The following VAV3 variants were observed in gnomAD, a reference collection of about 807,000 sequenced individuals.
The protein encoded by VAV3 is vav guanine nucleotide exchange factor 3.
In VAV3, 94 loss-of-function variants were observed where a neutral mutation model predicts 131.2. The ratio of observed to expected loss-of-function variants is 0.72; its 90% CI spans 0.61 to 0.85. The LOEUF (loss-of-function observed/expected upper bound fraction) is 0.85, where lower values mean the gene tolerates loss of function less well. Among genes scored for constraint, VAV3 ranks in the 40% least tolerant of loss-of-function variants. The pLI is 0.00. For synonymous variants in VAV3, 349 were observed against 342.0 expected (o/e 1.02, Z -0.22); for missense variants, 939 against 1,002.7 (o/e 0.94, Z 0.86).
chr1:107,800,934 C>G (rs535524141), intron 2 of VAV3, among the ~76,000 whole-genome samples: 1 of 152,088 alleles, frequency 6.6e-6, no homozygotes, highest in Non-Finnish European at 1.5e-5. Context: ...GTGTTTTCTT[C>G]GAGTAGTTTC....
At chr1:107,760,932 T>A (rs988014620) in intron 9 of VAV3, 53 bp from the exon 10 acceptor site, 1 of 1,297,400 alleles carries the variant, frequency 7.7e-7, no homozygotes, top group Non-Finnish European at 1.1e-6. Context: ...CATTAAAAGA[T>A]GCAAAGGCCC....
At chr1:107,938,473 C>T (rs1187881956) in intron 1 of VAV3, among the ~76,000 whole-genome samples, 1 of 152,098 alleles carries the variant, frequency 6.6e-6, no homozygotes. Flanking sequence ...TATCTGTTCC[C>T]TGTAGAAACA....
intron 1 of VAV3, among the ~76,000 whole-genome samples, chr1:107,900,075 A>G (rs547283357): frequency 6.6e-6 from 1 of 152,330 alleles, no homozygotes; most frequent in African/African-American, 2.4e-5. Context: ...TCACTTTTCA[A>G]GGAACTCAAT....
At chr1:107,824,269 C>T (rs1213117869) in intron 2 of VAV3, among the ~76,000 whole-genome samples, 2 of 152,032 alleles carry the variant, frequency 1.3e-5, no homozygotes, top group Admixed American at 6.5e-5. Flanking sequence ...CACATAGCGT[C>T]GCTATTTCAA....
intron 20 of VAV3, 50 bp from the exon 21 acceptor site, chr1:107,617,682 G>A: frequency 1.3e-6 from 2 of 1,554,820 alleles, no homozygotes; most frequent in Non-Finnish European, 1.8e-6. Flanking sequence ...TACCACAAAT[G>A]ATAACCCCAT....
chr1:107,788,819 A>G (rs1041250148), intron 2 of VAV3, among the ~76,000 whole-genome samples: 1 of 152,264 alleles, frequency 6.6e-6, no homozygotes, highest in Non-Finnish European at 1.5e-5. Context: ...TGAAAATGTA[A>G]TCATATTTGC....
intron 20 of VAV3, among the ~76,000 whole-genome samples, chr1:107,640,307 C>G (rs952600745): frequency 1.3e-5 from 2 of 152,158 alleles, no homozygotes; most frequent in African/African-American, 4.8e-5. Context: ...ACTATCATTA[C>G]ACATAACAAC....
intron 20 of VAV3, among the ~76,000 whole-genome samples, chr1:107,638,282 C>G (rs1655078669): frequency 6.6e-6 from 1 of 152,100 alleles, no homozygotes; most frequent in South Asian, 2.1e-4. Context: ...GTCTATATTA[C>G]AAAATCTGCT....
rs1197921663 is a variant in VAV3, at chr1:107,773,768, A to G, written c.447-925T>C. ...TGGCCAGAGAACATTAGGGCAGGTAAATCGGTTTGCACATTCTCTGTACCA... is the reference window on the plus strand; with the variant it reads ...TGGCCAGAGAACATTAGGGCAGGTAGATCGGTTTGCACATTCTCTGTACCA... On this transcript the variant is annotated intron_variant, in intron 4 of 26. Transcript: ENST00000370056. 3.9e-5 allele frequency among the ~76,000 whole-genome samples: 6 copies of G among 152,302 alleles called. No homozygotes were observed. In the East Asian group the frequency reaches 1.2e-3, roughly 29 times the overall value.
chr1:107,723,161 G>C (rs1225862725), intron 15 of VAV3, among the ~76,000 whole-genome samples: 1 of 151,998 alleles, frequency 6.6e-6, no homozygotes, highest in Non-Finnish European at 1.5e-5. Context: ...ACATATAATA[G>C]AATCTTAAAA....
intron 2 of VAV3, among the ~76,000 whole-genome samples, chr1:107,869,485 C>T (rs539235504): frequency 6.6e-6 from 1 of 152,164 alleles, no homozygotes; most frequent in South Asian, 2.1e-4. Flanking sequence ...CTGTTAAGCA[C>T]TTGACATACA....
chr1:107,896,282 G>C (rs767673651), intron 1 of VAV3, among the ~76,000 whole-genome samples: 34 of 152,162 alleles, frequency 2.2e-4, no homozygotes, highest in Non-Finnish European at 1.8e-4. Context: ...CTTACTTTGA[G>C]CAAGTCCTTA....
In VAV3 at chr1:107,840,644, A is replaced by T. The variant is rs546633826; in HGVS notation, c.321+34257T>A. The stretch of plus-strand genomic sequence containing the variant: ...AACGTTCTTAACGTGCCCTAAAGAA[A>T]CGTAAAGGAAGCAACAAAAGTTAAG... On this transcript the variant is annotated intron_variant, in intron 2 of 26. Coordinates refer to ENST00000370056, the MANE Select transcript of VAV3 (RefSeq NM_006113.5). Among the ~76,000 whole-genome samples the T allele has an allele frequency of 1.0e-3, 153 of 152,270 alleles. 3 individuals are homozygous for T. Among genetic ancestry groups the T allele is most frequent in the Admixed American group, 4.6e-4 (7 of 15,294 alleles).
intron 1 of VAV3, among the ~76,000 whole-genome samples, chr1:107,944,561 T>A (rs184225792): frequency 3.0e-4 from 45 of 152,234 alleles, no homozygotes; most frequent in African/African-American, 1.1e-3. Context: ...GCTGAATGAA[T>A]GAAAGAATGA....
chr1:107,589,611 C>G (rs1029543764), intron 25 of VAV3, among the ~76,000 whole-genome samples: 2 of 152,092 alleles, frequency 1.3e-5, no homozygotes, highest in African/African-American at 4.8e-5. Context: ...TATAGCAGTA[C>G]TAGGAAACCA....
intron 2 of VAV3, among the ~76,000 whole-genome samples, chr1:107,874,438 A>C (rs534546186): frequency 6.6e-6 from 1 of 152,178 alleles, no homozygotes; most frequent in Non-Finnish European, 1.5e-5. Flanking sequence ...ACCAAGTATC[A>C]AAATAGAGAA....
chr1:107,585,685 A>G (rs911771351), intron 25 of VAV3, among the ~76,000 whole-genome samples: 1 of 152,090 alleles, frequency 6.6e-6, no homozygotes, highest in African/African-American at 2.4e-5. Flanking sequence ...TGTCCTATAA[A>G]AGTCATGGAT....
intron 24 of VAV3, among the ~76,000 whole-genome samples, chr1:107,600,344 C>T (rs1455467079): frequency 6.6e-6 from 1 of 152,000 alleles, no homozygotes; most frequent in African/African-American, 2.4e-5. Flanking sequence ...TTTTTTCCAG[C>T]TCCTTGTTTT....
At chr1:107,888,602 G>C (rs1312579626) in intron 1 of VAV3, among the ~76,000 whole-genome samples, 1 of 152,114 alleles carries the variant, frequency 6.6e-6, no homozygotes, top group East Asian at 1.9e-4. Context: ...GGGATGACAG[G>C]TGCCCGCCAA....
Sources: gnomAD v4.1 joint callset for allele counts (sites outside exome capture counted in the v4.1 genomes callset) on GRCh38, gnomAD v4.1.1 for gene constraint, MANE v1.5 for transcripts, NCBI Gene and HGNC (gene_info 2026-07-23, HGNC 2026-07-21) for gene names.